The following SMPDL3A variants were observed in gnomAD, a reference collection of about 807,000 sequenced individuals.
SMPDL3A encodes the protein sphingomyelin phosphodiesterase acid like 3A.
A neutral mutation model predicts 38.5 loss-of-function variants in SMPDL3A; 39 were observed. The ratio of observed to expected loss-of-function variants is 1.01; its 90% CI spans 0.78 to 1.32. The LOEUF is 1.32. SMPDL3A is among the 40% of genes most tolerant of loss of function. The pLI is 0.00. For missense variants in SMPDL3A, 502 were observed against 536.2 expected, an observed-to-expected ratio of 0.94 and a Z score of 0.63; for synonymous variants, 180 against 194.3, an observed-to-expected ratio of 0.93 and a Z score of 0.61.
intron 3 of SMPDL3A, among the ~76,000 whole-genome samples, chr6:122,798,925 TG>T (rs1781338286): frequency 6.6e-6 from 1 of 152,208 alleles, no homozygotes. Flanking sequence ...ATGTTCTTTC[TG>T]TTATTCTACT....
intron 2 of SMPDL3A, 23 bp from the exon 3 acceptor site, chr6:122,796,801 T>C: frequency 3.7e-6 from 6 of 1,605,960 alleles, no homozygotes; most frequent in Non-Finnish European, 5.1e-6. Flanking sequence ...ATTTTGTTCT[T>C]TACAATCTCT....
chr6:122,808,723 G>A (rs1301327649), intron 7 of SMPDL3A, among the ~76,000 whole-genome samples: 1 of 148,884 alleles, frequency 6.7e-6, no homozygotes, highest in East Asian at 2.0e-4. Context: ...ACCCAGGCTG[G>A]AGTGCAGTGG....
At chr6:122,799,692 A>G (rs1781363334) in intron 3 of SMPDL3A, among the ~76,000 whole-genome samples, 2 of 152,206 alleles carry the variant, frequency 1.3e-5, no homozygotes, top group South Asian at 4.1e-4. Context: ...TCCAATTAAA[A>G]CAAGTCATTT....
Position 122,795,771 on chromosome 6 carries a change from T to A in SMPDL3A, c.207T>A (p.Asn69Lys). The A allele has an allele frequency of 6.2e-7, 1 of 1,614,128 alleles. No homozygotes were observed. Among genetic ancestry groups the A allele is most frequent in the South Asian group, 1.1e-5 (1 of 91,084 alleles). Residue 69 changes from asparagine (N) to lysine (K), a missense_variant, in exon 2 of 8, where the codon AAT (asparagine) becomes AAA (lysine). Transcript: ENST00000368440. ...TKVCASSKGA[N>K]ASNPGPFGDV... The stretch of plus-strand genomic sequence containing the variant: ...TGTGTGCTTCATCTAAAGGTGCAAA[T>A]GCCTCCAACCCTGGCCCTTTTGGAG...
intron 1 of SMPDL3A, 99 bp downstream of exon 1, chr6:122,789,557 G>C (rs1780994007): frequency 3.6e-6 from 4 of 1,111,362 alleles, no homozygotes; most frequent in East Asian, 2.6e-5. Context: ...AGCTGCCCCC[G>C]GCAGAGGCTC....
At chr6:122,806,211 T>G in intron 6 of SMPDL3A, 22 bp from the exon 7 acceptor site, 1 of 1,598,024 alleles carries the variant, frequency 6.3e-7, no homozygotes. Flanking sequence ...AATGTATGTT[T>G]ATGTGCATAC....
chr6:122,798,957 T>G (rs1272889818), intron 3 of SMPDL3A, among the ~76,000 whole-genome samples: 4 of 152,300 alleles, frequency 2.6e-5, no homozygotes, highest in Admixed American at 1.3e-4. Context: ...CACCTCACAG[T>G]TTCGGAAATG....
At chr6:122,808,411 C>T (rs929422063) in intron 7 of SMPDL3A, among the ~76,000 whole-genome samples, 3 of 152,108 alleles carry the variant, frequency 2.0e-5, no homozygotes, top group Admixed American at 6.6e-5. Flanking sequence ...TGAGCTGGTA[C>T]GAGCTGCCTT....
At chr6:122,794,453 TG>T (rs1781177757) in intron 1 of SMPDL3A, among the ~76,000 whole-genome samples, 1 of 151,944 alleles carries the variant, frequency 6.6e-6, no homozygotes, top group South Asian at 2.1e-4. Flanking sequence ...AAAAATTAGC[TG>T]GGTGTGGTGG....
intron 7 of SMPDL3A, among the ~76,000 whole-genome samples, chr6:122,808,667 T>C (rs71543091): frequency 0.32 from 24,407 of 76,466 alleles, 2,822 homozygotes; most frequent in South Asian, 0.5. Context: ...CCTCCCTCCC[T>C]CTCCTTCTTT....
rs560776858 is a variant in SMPDL3A at position 122,789,368 on chromosome 6, G to A, written c.22G>A (p.Val8Ile). The A allele has an allele frequency of 1.3e-6, 2 of 1,547,866 alleles. No individual in the cohort carries two copies. Among genetic ancestry groups the A allele is most frequent in the Non-Finnish European group, 1.7e-6 (2 of 1,146,128 alleles). The change falls in exon 1 of 8, where the codon GTC becomes ATC. Residue 8 changes from valine (V) to isoleucine (I), a missense_variant. Transcript: ENST00000368440. ...CTCCATGGCGCTGGTGCGCGCACTC[G>A]TCTGCTGCCTGCTGACTGCCTGGCA... MALVRALVCCLLTAWHCR... is the reference protein window; with the variant it reads MALVRALICCLLTAWHCR...
At chr6:122,802,195 CTTTTTT>C (rs3031702) in intron 4 of SMPDL3A, among the ~76,000 whole-genome samples, 2 of 123,560 alleles carry the variant, frequency 1.6e-5, no homozygotes, top group East Asian at 2.6e-4. Flanking sequence ...TATATCTAGT[CTTTTTT>C]TTTTTTTTTT....
chr6:122,789,489 C>T, intron 1 of SMPDL3A, 31 bp downstream of exon 1: 1 of 1,517,684 alleles, frequency 6.6e-7, no homozygotes. Flanking sequence ...CTCTTCCCAG[C>T]CGGCAAAGAG....
At chr6:122,789,515 C>G in intron 1 of SMPDL3A, 57 bp downstream of exon 1, 3 of 1,426,546 alleles carry the variant, frequency 2.1e-6, no homozygotes, top group African/African-American at 1.4e-5. Context: ...AGCGGCGGCG[C>G]CTGCGCACAG....
At chr6:122,797,210 G>A (rs1781277241) in intron 3 of SMPDL3A, 1 of 369,840 alleles carries the variant, frequency 2.7e-6, no homozygotes, top group South Asian at 1.1e-4. Flanking sequence ...TATCCAGTTT[G>A]TGGATGATTA....
intron 1 of SMPDL3A, chr6:122,789,690 C>A: frequency 7.3e-6 from 3 of 412,756 alleles, no homozygotes; most frequent in Non-Finnish European, 9.8e-6. Context: ...GGGGAAATGC[C>A]CTCGCCGGTG....
intron 7 of SMPDL3A, among the ~76,000 whole-genome samples, chr6:122,808,307 A>G (rs1781701747): frequency 6.6e-6 from 1 of 152,184 alleles, no homozygotes; most frequent in Admixed American, 6.5e-5. Flanking sequence ...GCCAATTTCC[A>G]TGACAGAAAT....
chr6:122,800,038 A>T (rs1781378091), intron 3 of SMPDL3A, among the ~76,000 whole-genome samples: 1 of 147,546 alleles, frequency 6.8e-6, no homozygotes, highest in Non-Finnish European at 1.5e-5. Context: ...GCACAATCAT[A>T]GATAAATGCA....
At position 122,806,324 on chromosome 6, in the gene SMPDL3A, G is replaced by A; in HGVS notation, c.1011G>A (p.Leu337=). ...AGACCAACAATCCTGGTATCAGACTGTTTCAGTATGATCCTCGTGATTATA... is the reference window on the plus strand; with the variant it reads ...AGACCAACAATCCTGGTATCAGACTATTTCAGTATGATCCTCGTGATTATA... The part of the protein sequence containing the change: ...EKQTNNPGIR[L]FQYDPRDYKL... The change falls in exon 7 of 8, where the codon CTG becomes CTA. Residue 337 remains leucine, a synonymous_variant. Coordinates refer to ENST00000368440, the MANE Select transcript of SMPDL3A (RefSeq NM_006714.5). 2 of 1,612,558 alleles carry A rather than the reference G, an allele frequency of 1.2e-6. No individual in the cohort carries two copies. Among genetic ancestry groups the A allele is most frequent in the South Asian group, 1.1e-5 (1 of 90,826 alleles).
Sources: allele counts gnomAD v4.1 joint callset (sites outside exome capture counted in the v4.1 genomes callset), GRCh38; gene constraint gnomAD v4.1.1; transcripts MANE v1.5; gene names NCBI Gene and HGNC (gene_info 2026-07-23, HGNC 2026-07-21).